Variants in DIAPH3 observed in about 807,000 individuals in gnomAD.
DIAPH3 encodes protein diaphanous homolog 3.
A neutral mutation model predicts 144.3 loss-of-function variants in DIAPH3; 117 were observed. The ratio of observed to expected loss-of-function variants is 0.81; its 90% CI spans 0.70 to 0.95. The LOEUF is 0.95. Ranked by LOEUF, DIAPH3 falls within the 40% of genes least tolerant of loss-of-function variation. The pLI, the probability that DIAPH3 is intolerant of heterozygous loss-of-function variation, is 0.00. For missense variants in DIAPH3, 1,421 were observed against 1,412.7 expected, an observed-to-expected ratio of 1.01 and a Z score of -0.09; for synonymous variants, 519 against 488.9, an observed-to-expected ratio of 1.06 and a Z score of -0.81.
chr13:59,891,518 G>A (rs1257346099), intron 20 of DIAPH3, among the ~76,000 whole-genome samples: 6 of 151,374 alleles, frequency 4.0e-5, no homozygotes, highest in Non-Finnish European at 5.9e-5. Context: ...GAATTTAGTG[G>A]GGAAGTGGGG....
chr13:60,111,440 CA>C (rs534043774), intron 3 of DIAPH3, among the ~76,000 whole-genome samples: 246 of 152,300 alleles, frequency 1.6e-3, no homozygotes, highest in African/African-American at 5.5e-3. Flanking sequence ...CCACTTAGAT[CA>C]GGGGTCCCCA....
At chr13:59,761,854 A>C (rs893976140) in intron 27 of DIAPH3, among the ~76,000 whole-genome samples, 2 of 152,108 alleles carry the variant, frequency 1.3e-5, no homozygotes, top group Admixed American at 6.5e-5. Flanking sequence ...AAGGAGATAG[A>C]TAACTAAATG....
chr13:59,687,049 A>G (rs1647998522), intron 27 of DIAPH3, among the ~76,000 whole-genome samples: 1 of 152,128 alleles, frequency 6.6e-6, no homozygotes, highest in African/African-American at 2.4e-5. Context: ...CCAAGAGGCA[A>G]TATTAAAAAC....
intron 27 of DIAPH3, among the ~76,000 whole-genome samples, chr13:59,685,728 A>G (rs1353185555): frequency 6.6e-6 from 1 of 152,140 alleles, no homozygotes. Context: ...GAGATGGAAA[A>G]GTGGTATCAC....
intron 4 of DIAPH3, among the ~76,000 whole-genome samples, chr13:60,088,080 C>CG (rs929550671): frequency 6.6e-6 from 1 of 151,954 alleles, no homozygotes; most frequent in African/African-American, 2.4e-5. Context: ...GGGTGGGGCA[C>CG]GGGGGAGTGC....
intron 7 of DIAPH3, among the ~76,000 whole-genome samples, chr13:60,015,337 A>G (rs1040916358): frequency 6.6e-6 from 1 of 152,064 alleles, no homozygotes; most frequent in African/African-American, 2.4e-5. Context: ...AAATTCCTCC[A>G]TATTACGTTT....
intron 5 of DIAPH3, among the ~76,000 whole-genome samples, chr13:60,023,131 T>C (rs1352157748): frequency 6.6e-6 from 1 of 152,216 alleles, no homozygotes; most frequent in Non-Finnish European, 1.5e-5. Context: ...TTAATTCTTC[T>C]TTAAGTTTGT....
At chr13:59,870,936 C>T (rs560858054) in intron 21 of DIAPH3, among the ~76,000 whole-genome samples, 9 of 152,224 alleles carry the variant, frequency 5.9e-5, no homozygotes, top group Non-Finnish European at 1.0e-4. Context: ...TCCCAAAGTG[C>T]TTGGATTACA....
chr13:59,743,733 G>A (rs187727644), intron 27 of DIAPH3, among the ~76,000 whole-genome samples: 174 of 152,210 alleles, frequency 1.1e-3, no homozygotes, highest in African/African-American at 3.9e-3. Flanking sequence ...GGGAATTAAT[G>A]GGATATTTGT....
At chr13:60,135,298 G>T (rs1343969139) in intron 1 of DIAPH3, among the ~76,000 whole-genome samples, 1 of 149,902 alleles carries the variant, frequency 6.7e-6, no homozygotes, top group African/African-American at 2.5e-5. Context: ...CTCATTGAGG[G>T]TATAGCTTTT....
intron 4 of DIAPH3, among the ~76,000 whole-genome samples, chr13:60,092,390 C>T (rs553834882): frequency 4.8e-4 from 73 of 152,276 alleles, no homozygotes; most frequent in Middle Eastern, 6.8e-3. Flanking sequence ...CAGTGGCTCA[C>T]GCCTGTAATC....
At chr13:59,868,015 C>G (rs1466675683) in intron 21 of DIAPH3, among the ~76,000 whole-genome samples, 1 of 152,104 alleles carries the variant, frequency 6.6e-6, no homozygotes, top group African/African-American at 2.4e-5. Context: ...CAAAAACACT[C>G]TCACCAAGAA....
At chr13:59,835,183 G>A (rs563639909) in intron 23 of DIAPH3, among the ~76,000 whole-genome samples, 9 of 151,808 alleles carry the variant, frequency 5.9e-5, no homozygotes, top group African/African-American at 1.9e-4. Context: ...ACTTTCTTAA[G>A]TACACAGGAT....
intron 27 of DIAPH3, among the ~76,000 whole-genome samples, chr13:59,690,030 A>G (rs1446653635): frequency 6.6e-6 from 1 of 152,070 alleles, no homozygotes; most frequent in East Asian, 1.9e-4. Context: ...GCCCAGAGAT[A>G]TTAACTCATG....
intron 25 of DIAPH3, among the ~76,000 whole-genome samples, chr13:59,798,641 C>T (rs964859679): frequency 5.3e-5 from 8 of 152,174 alleles, no homozygotes; most frequent in Non-Finnish European, 1.0e-4. Flanking sequence ...ATCCATCCTC[C>T]TCTCTCCCAC....
At chr13:60,151,018 A>G (rs1227480081) in intron 1 of DIAPH3, among the ~76,000 whole-genome samples, 1 of 151,880 alleles carries the variant, frequency 6.6e-6, no homozygotes, top group Admixed American at 6.6e-5. Flanking sequence ...CAGGCACCAA[A>G]CAAACCTCTG....
chr13:60,005,172 G>T (rs2052777942), intron 9 of DIAPH3, among the ~76,000 whole-genome samples: 4 of 152,164 alleles, frequency 2.6e-5, no homozygotes, highest in Non-Finnish European at 5.9e-5. Flanking sequence ...CGATTATGTG[G>T]CGATTTTTTA....
chr13:59,980,886 T>C (rs1196092604), intron 13 of DIAPH3, 27 bp from the exon 14 acceptor site: 1 of 1,592,596 alleles, frequency 6.3e-7, no homozygotes, highest in Non-Finnish European at 8.6e-7. Context: ...AGGAAATTTT[T>C]AATGTGAAAC....
At chr13:59,871,903 T>C (rs1219295544) in intron 21 of DIAPH3, among the ~76,000 whole-genome samples, 1 of 152,342 alleles carries the variant, frequency 6.6e-6, no homozygotes, top group Non-Finnish European at 1.5e-5. Flanking sequence ...TCTTCCGTTA[T>C]CTTTTTAACA....
Sources: allele counts gnomAD v4.1 joint callset (sites outside exome capture counted in the v4.1 genomes callset), GRCh38; gene constraint gnomAD v4.1.1; transcripts MANE v1.5; gene names NCBI Gene and HGNC (gene_info 2026-07-23, HGNC 2026-07-21).